Variants in MAP3K20 observed in about 807,000 individuals in gnomAD.
MAP3K20 encodes the protein mitogen-activated protein kinase kinase kinase 20, also known as HCCS-4.
A neutral mutation model predicts 85.7 loss-of-function variants in MAP3K20; 40 were observed. That is an observed-to-expected ratio of 0.47 (90% CI 0.36 to 0.61). MAP3K20 has a LOEUF of 0.61. Among genes scored for constraint, MAP3K20 ranks in the 20% least tolerant of loss-of-function variants. The pLI, the probability that MAP3K20 is intolerant of heterozygous loss-of-function variation, is 0.00. For missense variants in MAP3K20, 817 were observed against 961.7 expected, an observed-to-expected ratio of 0.85 and a Z score of 1.99; for synonymous variants, 325 against 327.7, an observed-to-expected ratio of 0.99 and a Z score of 0.09.
intron 16 of MAP3K20, among the ~76,000 whole-genome samples, chr2:173,246,409 G>A (rs1011057228): frequency 3.3e-5 from 5 of 152,282 alleles, no homozygotes; most frequent in African/African-American, 7.2e-5. Context: ...AAAGGAAAGC[G>A]GCTTCCAGAA....
At position 173,092,906 on chromosome 2, in the gene MAP3K20, C is replaced by T. The variant is rs547928641; in HGVS notation, c.159+1716C>T. On this transcript the variant is annotated intron_variant, in intron 2 of 19. Coordinates refer to ENST00000375213, the MANE Select transcript of MAP3K20 (RefSeq NM_016653.3). ...ATTGGAAACTGCCAAATCCTGCTTTCGTGCAGGTATTTAACATGAATGTAG... is the reference window on the plus strand; with the variant it reads ...ATTGGAAACTGCCAAATCCTGCTTTTGTGCAGGTATTTAACATGAATGTAG... Among the ~76,000 whole-genome samples, 9 of 152,164 alleles carry T rather than the reference C, an allele frequency of 5.9e-5. No homozygotes were observed. The East Asian group carries it at 7.7e-4, about 13-fold the overall frequency.
intron 2 of MAP3K20, among the ~76,000 whole-genome samples, chr2:173,148,532 G>A (rs184657690): frequency 2.6e-5 from 4 of 152,302 alleles, no homozygotes; most frequent in Admixed American, 6.5e-5. Context: ...ATTGGCCCTT[G>A]AGCAGACCTT....
intron 5 of MAP3K20, 71 bp from the exon 6 acceptor site, chr2:173,190,824 G>GT (rs745927594): frequency 3.8e-5 from 51 of 1,340,584 alleles, no homozygotes; most frequent in Non-Finnish European, 5.0e-5. Context: ...GAAGTTTATG[G>GT]TTTTTTTCAG....
chr2:173,257,375 A>G (rs949281039), intron 16 of MAP3K20, among the ~76,000 whole-genome samples: 5 of 151,976 alleles, frequency 3.3e-5, no homozygotes, highest in East Asian at 3.8e-4. Flanking sequence ...TCTACCATTA[A>G]TTAGTTTTGT....
intron 2 of MAP3K20, among the ~76,000 whole-genome samples, chr2:173,134,422 A>ATTTTTTTTTTTTTT (rs1254043752): frequency 4.9e-4 from 3 of 6,162 alleles, no homozygotes; most frequent in Non-Finnish European, 6.6e-4. Flanking sequence ...ATATATATAT[A>ATTTTTTTTTTTTTT]TATATATTTT....
intron 2 of MAP3K20, among the ~76,000 whole-genome samples, chr2:173,128,608 A>G (rs1574039031): frequency 2.0e-5 from 3 of 152,262 alleles, no homozygotes; most frequent in African/African-American, 7.2e-5. Context: ...CTGGGATTAC[A>G]GGTTTGAGCC....
At chr2:173,247,661 A>G (rs1011457460) in intron 16 of MAP3K20, among the ~76,000 whole-genome samples, 1 of 152,206 alleles carries the variant, frequency 6.6e-6, no homozygotes, top group Non-Finnish European at 1.5e-5. Context: ...AGGTTGTTAT[A>G]TACTTAAAAT....
At chr2:173,252,983 T>C (rs11890326) in intron 16 of MAP3K20, among the ~76,000 whole-genome samples, 31,722 of 152,176 alleles carry the variant, frequency 0.21, 4,843 homozygotes, top group African/African-American at 0.43. Flanking sequence ...TTCATGAAAC[T>C]GGCCATTGTT....
intron 2 of MAP3K20, among the ~76,000 whole-genome samples, chr2:173,155,654 G>A (rs181561616): frequency 3.3e-5 from 5 of 152,268 alleles, no homozygotes; most frequent in African/African-American, 1.2e-4. Context: ...AAGTACTGAG[G>A]GGCATAGAAA....
Position 173,203,798 on chromosome 2 carries a change from A to T in MAP3K20, c.672A>T (p.Arg224Ser), listed in dbSNP as rs1461353593. The T allele has an allele frequency of 1.2e-6, 2 of 1,613,150 alleles. No individual in the cohort carries two copies. Among genetic ancestry groups the T allele is most frequent in the South Asian group, 2.2e-5 (2 of 91,070 alleles). Reference protein sequence around the residue: ...VAWLVVEKNERLTIPSSCPRS... With the variant: ...VAWLVVEKNESLTIPSSCPRS... Reference sequence around the variant, plus strand: ...TTGTTTCCCTCTGTCTATTGTAGAGATTAACCATTCCAAGCAGTTGCCCCA... The same window carrying T: ...TTGTTTCCCTCTGTCTATTGTAGAGTTTAACCATTCCAAGCAGTTGCCCCA... The change falls in exon 9 of 20, where the codon AGA (arginine) becomes AGT (serine). Residue 224 changes from arginine to serine, a missense_variant and splice_region_variant. By Grantham distance (110) the Arg-to-Ser change is moderately radical. Transcript: ENST00000375213.
intron 2 of MAP3K20, among the ~76,000 whole-genome samples, chr2:173,118,247 C>T (rs1688179897): frequency 6.6e-6 from 1 of 152,000 alleles, no homozygotes; most frequent in Non-Finnish European, 1.5e-5. Flanking sequence ...GATAAAAATC[C>T]TACTGTAAAT....
At chr2:173,121,553 ATT>A (rs964029507) in intron 2 of MAP3K20, among the ~76,000 whole-genome samples, 1 of 151,522 alleles carries the variant, frequency 6.6e-6, no homozygotes, top group Non-Finnish European at 1.5e-5. Context: ...CGCCCGGCTA[ATT>A]TTTTTGTATT....
chr2:173,246,257 G>C (rs1229727742), intron 16 of MAP3K20, among the ~76,000 whole-genome samples: 1 of 152,114 alleles, frequency 6.6e-6, no homozygotes, highest in East Asian at 1.9e-4. Flanking sequence ...GCCTCATTTT[G>C]GAAGATACCA....
chr2:173,258,822 T>C lies in MAP3K20; in HGVS notation c.1476+7T>C, dbSNP rs1439513931. Reference sequence around the variant, plus strand: ...GATTTTAAAGATGACAAAGGTAGGGTTCTATTTACGGCTTAAAAGCTCTTT... The same window carrying C: ...GATTTTAAAGATGACAAAGGTAGGGCTCTATTTACGGCTTAAAAGCTCTTT... On this transcript the variant is annotated splice_region_variant and intron_variant, in intron 17 of 19. Transcript: ENST00000375213. 1 of 1,546,622 alleles carries C rather than the reference T, an allele frequency of 6.5e-7. No individual in the cohort carries two copies. The highest frequency in any genetic ancestry group is 1.1e-5 in the South Asian group (1 of 88,760).
At chr2:173,123,817 A>G (rs1688366284) in intron 2 of MAP3K20, among the ~76,000 whole-genome samples, 1 of 152,028 alleles carries the variant, frequency 6.6e-6, no homozygotes, top group African/African-American at 2.4e-5. Flanking sequence ...CTCTATGACT[A>G]CAGGAAATAA....
At chr2:173,175,269 G>A (rs954885671) in intron 3 of MAP3K20, among the ~76,000 whole-genome samples, 36 of 152,182 alleles carry the variant, frequency 2.4e-4, no homozygotes, top group Non-Finnish European at 4.4e-4. Context: ...CTGAATATAA[G>A]TTGACTCATT....
intron 2 of MAP3K20, among the ~76,000 whole-genome samples, chr2:173,099,402 C>T (rs1340295046): frequency 6.6e-6 from 1 of 151,762 alleles, no homozygotes; most frequent in East Asian, 1.9e-4. Flanking sequence ...TCACTCTAGC[C>T]TCGAACTCCT....
intron 1 of MAP3K20, 53 bp downstream of exon 1, chr2:173,076,055 G>T: frequency 2.0e-6 from 2 of 977,058 alleles, no homozygotes; most frequent in Non-Finnish European, 2.4e-6. Context: ...GGCGAGGCCC[G>T]CCGCGCTCGC....
chr2:173,174,365 C>T lies in MAP3K20; in HGVS notation c.247+4473C>T, dbSNP rs73023644. ...TCTCCCTCCCCTAGCATTAAATAAACGCCCCCGACAGGCCCTGGTGTGTGA... is the reference window on the plus strand; with the variant it reads ...TCTCCCTCCCCTAGCATTAAATAAATGCCCCCGACAGGCCCTGGTGTGTGA... On this transcript the variant is annotated intron_variant, in intron 3 of 19. Transcript: ENST00000375213. 8.4e-3 allele frequency among the ~76,000 whole-genome samples: 1,271 copies of T among 152,166 alleles called. 12 individuals are homozygous for T. Among genetic ancestry groups the T allele is most frequent in the African/African-American group, 0.029 (1,187 of 41,512 alleles).
Sources: gnomAD v4.1 joint callset for allele counts (sites outside exome capture counted in the v4.1 genomes callset) on GRCh38, gnomAD v4.1.1 for gene constraint, MANE v1.5 for transcripts, NCBI Gene and HGNC (gene_info 2026-07-23, HGNC 2026-07-21) for gene names.